Variants in TERB2 observed in about 807,000 individuals in gnomAD.
The protein encoded by TERB2 is telomere repeats-binding bouquet formation protein 2.
TERB2 carries 26 observed loss-of-function variants against 29.8 expected under a neutral mutation model. The ratio of observed to expected loss-of-function variants is 0.87; its 90% confidence interval spans 0.64 to 1.21. The LOEUF is 1.21. Among genes scored for constraint, TERB2 ranks in the 50% most tolerant of loss-of-function variants. The probability of loss-of-function intolerance (pLI) is 0.00; values close to 1 mark genes in which losing one functional copy is unlikely to be tolerated. For missense variants in TERB2, 240 were observed against 268.6 expected (o/e 0.89, Z 0.74); for synonymous variants, 80 against 90.8 (o/e 0.88, Z 0.68).
chr15:44,965,162 CAAAAAAAAAAAAAA>C lies in TERB2; in HGVS notation c.349-983_349-970del, dbSNP rs66756472. 1.0e-4 allele frequency among the ~76,000 whole-genome samples: 5 copies of C among 48,814 alleles called. 1 individual carries two copies. Among genetic ancestry groups the C allele is most frequent in the East Asian group, 7.8e-4 (1 of 1,282 alleles). The allele number at this position is 48,814 out of a possible 152,430, so 32.0% of individuals were successfully genotyped here. ...TGGGTGACAGAGCAAGACTCTGTCT[CAAAAAAAAAAAAAA>C]AAAAAAAAAAAAGAAAAGGAAAAAA... On this transcript the variant is annotated intron_variant, in intron 4 of 6. Coordinates refer to ENST00000340827, the MANE Select transcript of TERB2 (RefSeq NM_152448.3).
intron 4 of TERB2, among the ~76,000 whole-genome samples, chr15:44,965,788 T>G (rs12595724): frequency 0.16 from 24,881 of 151,320 alleles, 2,525 homozygotes; most frequent in East Asian, 0.34. Flanking sequence ...TTTAAATCAG[T>G]AGCAAGATTT....
intron 4 of TERB2, among the ~76,000 whole-genome samples, chr15:44,964,200 T>A (rs992467405): frequency 1.3e-5 from 2 of 151,946 alleles, no homozygotes; most frequent in African/African-American, 2.4e-5. Context: ...TTATTTTTTT[T>A]AAACTTCAAA....
chr15:44,969,296 C>CT lies in TERB2; in HGVS notation c.434+3061dup, dbSNP rs143794644. Among the ~76,000 whole-genome samples, 980 of 151,988 alleles carry CT rather than the reference C, an allele frequency of 6.4e-3. 77 individuals carry two copies. The East Asian group carries it at 0.16, about 25-fold the overall frequency. ...TTTTTCTTGGTGTTTTTAATAGAAA[C>CT]TTTTTTTTGCCATGTTGGCCAGGCT... is the stretch of plus-strand genomic sequence containing the variant. On this transcript the variant is annotated intron_variant, in intron 5 of 6. Transcript: ENST00000340827.
chr15:44,971,082 T>A (rs1009655100), intron 5 of TERB2: 3 of 162,390 alleles, frequency 1.8e-5, no homozygotes, highest in African/African-American at 7.2e-5. Context: ...AACAGAAGCA[T>A]CTCCTCAATA....
At chr15:44,972,784 G>A (rs1891989800) in intron 5 of TERB2, among the ~76,000 whole-genome samples, 1 of 151,612 alleles carries the variant, frequency 6.6e-6, no homozygotes, top group South Asian at 2.1e-4. Flanking sequence ...CCAAAATGCT[G>A]GGATTATAGG....
At chr15:44,971,982 T>A (rs1307815328) in intron 5 of TERB2, among the ~76,000 whole-genome samples, 1 of 94,138 alleles carries the variant, frequency 1.1e-5, no homozygotes, top group Non-Finnish European at 2.1e-5. Context: ...AAATAGAAGC[T>A]TTTTTTTTTT....
At chr15:44,959,509 A>C (rs1891769733) in intron 3 of TERB2, among the ~76,000 whole-genome samples, 1 of 152,064 alleles carries the variant, frequency 6.6e-6, no homozygotes, top group African/African-American at 2.4e-5. Flanking sequence ...CTGGGACTAC[A>C]GGCGCCCACC....
intron 5 of TERB2, among the ~76,000 whole-genome samples, chr15:44,967,548 G>T (rs1194991959): frequency 6.6e-6 from 1 of 152,250 alleles, no homozygotes; most frequent in Non-Finnish European, 1.5e-5. Context: ...AGGGTTTAAG[G>T]AATCTGGCTC....
chr15:44,969,126 G>A (rs1891931788), intron 5 of TERB2, among the ~76,000 whole-genome samples: 1 of 151,834 alleles, frequency 6.6e-6, no homozygotes. Flanking sequence ...ACAGGGTCTC[G>A]CTCTGTCACC....
At chr15:44,973,343 TA>T (rs1433573941) in intron 5 of TERB2, among the ~76,000 whole-genome samples, 2 of 152,208 alleles carry the variant, frequency 1.3e-5, no homozygotes, top group Non-Finnish European at 2.9e-5. Flanking sequence ...GTATTTTGTC[TA>T]AATATATAGT....
At chr15:44,963,323 C>T (rs1475154472) in intron 4 of TERB2, among the ~76,000 whole-genome samples, 4 of 152,104 alleles carry the variant, frequency 2.6e-5, no homozygotes, top group South Asian at 2.1e-4. Flanking sequence ...ATAATAAATA[C>T]ACAATATTAT....
At chr15:44,964,278 T>C (rs1234809064) in intron 4 of TERB2, among the ~76,000 whole-genome samples, 1 of 152,216 alleles carries the variant, frequency 6.6e-6, no homozygotes, top group Non-Finnish European at 1.5e-5. Flanking sequence ...TTATATATTT[T>C]ATATTTCTGT....
intron 4 of TERB2, among the ~76,000 whole-genome samples, chr15:44,962,168 T>C (rs1891815081): frequency 6.6e-6 from 1 of 151,640 alleles, no homozygotes; most frequent in Non-Finnish European, 1.5e-5. Flanking sequence ...AACAGGTGCA[T>C]AGTATTTACC....
At chr15:44,973,230 T>C (rs1188458505) in intron 5 of TERB2, among the ~76,000 whole-genome samples, 1 of 152,234 alleles carries the variant, frequency 6.6e-6, no homozygotes, top group African/African-American at 2.4e-5. Context: ...TACTAGTTAA[T>C]AGATGCCCAA....
intron 3 of TERB2, among the ~76,000 whole-genome samples, chr15:44,960,690 C>T (rs1443994386): frequency 2.0e-5 from 3 of 152,112 alleles, no homozygotes; most frequent in Non-Finnish European, 4.4e-5. Flanking sequence ...TACAGCACCT[C>T]TCAATTTGGA....
At chr15:44,971,382 T>C (rs1025614590) in intron 5 of TERB2, among the ~76,000 whole-genome samples, 4 of 152,228 alleles carry the variant, frequency 2.6e-5, no homozygotes, top group Non-Finnish European at 5.9e-5. Flanking sequence ...ATTCTAAGGA[T>C]ATTTTAATTG....
intron 4 of TERB2, among the ~76,000 whole-genome samples, chr15:44,962,479 G>A (rs1397297594): frequency 9.2e-5 from 14 of 151,962 alleles, no homozygotes; most frequent in African/African-American, 1.7e-4. Flanking sequence ...GTGAGCCACC[G>A]CGCCCTGCCA....
chr15:44,978,462 T>C, intron 6 of TERB2, 27 bp from the exon 7 acceptor site: 6 of 1,565,694 alleles, frequency 3.8e-6, no homozygotes, highest in Non-Finnish European at 5.2e-6. Flanking sequence ...TTTAAGTATA[T>C]ATCTTTTTTT....
chr15:44,964,290 ATTAAT>A (rs1379018242), intron 4 of TERB2, among the ~76,000 whole-genome samples: 1 of 152,070 alleles, frequency 6.6e-6, no homozygotes, highest in African/African-American at 2.4e-5. Flanking sequence ...TATTTCTGTC[ATTAAT>A]TTGTTTTTTC....
Sources: allele counts gnomAD v4.1 joint callset (sites outside exome capture counted in the v4.1 genomes callset), GRCh38; gene constraint gnomAD v4.1.1; transcripts MANE v1.5; gene names NCBI Gene and HGNC (gene_info 2026-07-23, HGNC 2026-07-21).